The following AGBL4 variants were observed in gnomAD, a reference collection of about 807,000 sequenced individuals.
The protein encoded by AGBL4 is cytosolic carboxypeptidase 6.
Under a neutral mutation model 66.4 loss-of-function variants are expected in AGBL4, and 58 were observed. The ratio of observed to expected loss-of-function variants is 0.87; its 90% CI spans 0.71 to 1.09. The LOEUF (loss-of-function observed/expected upper bound fraction) is 1.09, where lower values mean the gene tolerates loss of function less well. Among genes scored for constraint, AGBL4 ranks in the 50% least tolerant of loss-of-function variants. The pLI is 0.00. For synonymous variants in AGBL4, 234 were observed against 222.9 expected, an observed-to-expected ratio of 1.05 and a Z score of -0.44; for missense variants, 579 against 631.0, an observed-to-expected ratio of 0.92 and a Z score of 0.88.
intron 3 of AGBL4, among the ~76,000 whole-genome samples, chr1:49,376,432 T>G (rs1270389842): frequency 6.6e-6 from 1 of 152,032 alleles, no homozygotes; most frequent in Non-Finnish European, 1.5e-5. Flanking sequence ...AGGATACTTA[T>G]TCTGTCCTAC....
At chr1:48,527,080 T>C in the AGBL4 span, among the ~76,000 whole-genome samples, 1 of 152,166 alleles carries the variant, frequency 6.6e-6, no homozygotes, top group Non-Finnish European at 1.5e-5. Flanking sequence ...TTTGGGAAGA[T>C]AAAGCCATAA....
chr1:48,566,680 T>C (rs777675764), intron 11 of AGBL4, among the ~76,000 whole-genome samples: 4 of 152,240 alleles, frequency 2.6e-5, no homozygotes, highest in Non-Finnish European at 4.4e-5. Context: ...ATAATGTGGG[T>C]GGGCCTCATT....
chr1:49,977,070 T>C (rs1658621762), intron 1 of AGBL4, among the ~76,000 whole-genome samples: 1 of 152,232 alleles, frequency 6.6e-6, no homozygotes, highest in African/African-American at 2.4e-5. Flanking sequence ...TCTTGTCTCT[T>C]TAATAGTTTT....
intron 3 of AGBL4, among the ~76,000 whole-genome samples, chr1:49,256,473 G>A (rs1652514886): frequency 6.6e-6 from 1 of 152,094 alleles, no homozygotes; most frequent in Non-Finnish European, 1.5e-5. Flanking sequence ...ATAAATAAAT[G>A]TAATCAAAAG....
intron 1 of AGBL4, among the ~76,000 whole-genome samples, chr1:49,948,574 TA>T (rs1178309073): frequency 5.8e-5 from 7 of 121,650 alleles, no homozygotes; most frequent in African/African-American, 2.0e-4. Context: ...AATATATATA[TA>T]TATATATAGA....
chr1:49,468,844 A>G (rs748498254), intron 3 of AGBL4, among the ~76,000 whole-genome samples: 23 of 151,870 alleles, frequency 1.5e-4, no homozygotes, highest in Non-Finnish European at 2.8e-4. Context: ...GTATATAAAA[A>G]TGTTGAAATT....
chr1:49,100,938 G>T (rs1257719669), intron 4 of AGBL4, among the ~76,000 whole-genome samples: 2 of 152,150 alleles, frequency 1.3e-5, no homozygotes, highest in Non-Finnish European at 2.9e-5. Context: ...CTTCAGTAAG[G>T]TGATTTAATC....
intron 3 of AGBL4, among the ~76,000 whole-genome samples, chr1:49,509,401 C>T (rs1167294): frequency 0.68 from 103,007 of 151,616 alleles, 35,822 homozygotes; most frequent in African/African-American, 0.77. Context: ...TTTTCCTCAA[C>T]TTTTAGATAC....
At chr1:48,687,049 C>T (rs1646543975) in intron 6 of AGBL4, among the ~76,000 whole-genome samples, 2 of 141,608 alleles carry the variant, frequency 1.4e-5, no homozygotes, top group Non-Finnish European at 3.1e-5. Flanking sequence ...GGGGGACCAA[C>T]ACAGAGGGGC....
intron 2 of AGBL4, among the ~76,000 whole-genome samples, chr1:49,759,579 C>T (rs1652149995): frequency 6.6e-6 from 1 of 152,122 alleles, no homozygotes; most frequent in African/African-American, 2.4e-5. Flanking sequence ...TCATTATTTA[C>T]AGCAAATGTA....
chr1:48,737,882 G>A (rs1005965078), intron 6 of AGBL4, among the ~76,000 whole-genome samples: 1 of 152,064 alleles, frequency 6.6e-6, no homozygotes, highest in Non-Finnish European at 1.5e-5. Context: ...GACAGAGGGC[G>A]GCAGCTGCTA....
intron 1 of AGBL4, among the ~76,000 whole-genome samples, chr1:49,860,800 A>G (rs948171698): frequency 3.3e-5 from 5 of 152,092 alleles, no homozygotes; most frequent in African/African-American, 4.8e-5. Context: ...AAAACAAGTT[A>G]ACAACTATCT....
At chr1:49,602,695 G>C (rs1459110571) in intron 3 of AGBL4, among the ~76,000 whole-genome samples, 1 of 151,974 alleles carries the variant, frequency 6.6e-6, no homozygotes, top group African/African-American at 2.4e-5. Flanking sequence ...CCTGTTCGTG[G>C]GGTTGGGGGG....
chr1:49,513,129 C>G (rs539082815), intron 3 of AGBL4, among the ~76,000 whole-genome samples: 2 of 152,176 alleles, frequency 1.3e-5, no homozygotes, highest in African/African-American at 4.8e-5. Flanking sequence ...AAATGAACCT[C>G]TATCTTTAAA....
chr1:49,772,187 G>T (rs1006168586), intron 2 of AGBL4, among the ~76,000 whole-genome samples: 5 of 152,076 alleles, frequency 3.3e-5, no homozygotes, highest in African/African-American at 4.8e-5. Context: ...AACATAAAGA[G>T]TCTTGCAGTT....
chr1:49,104,190 G>T, intron 4 of AGBL4, among the ~76,000 whole-genome samples: 1 of 152,068 alleles, frequency 6.6e-6, no homozygotes, highest in East Asian at 1.9e-4. Flanking sequence ...CCTCCTCTGG[G>T]AGGCATTTCT....
chr1:49,195,282 G>A (rs774727115), intron 4 of AGBL4, among the ~76,000 whole-genome samples: 3 of 152,126 alleles, frequency 2.0e-5, no homozygotes, highest in African/African-American at 4.8e-5. Flanking sequence ...TTTTATGAAT[G>A]TGAATATTGA....
chr1:50,004,749 C>G (rs894524640), intron 1 of AGBL4, among the ~76,000 whole-genome samples: 2 of 152,046 alleles, frequency 1.3e-5, no homozygotes, highest in African/African-American at 4.8e-5. Flanking sequence ...GCCCTTGGAC[C>G]CTGAATAATC....
intron 4 of AGBL4, among the ~76,000 whole-genome samples, chr1:49,201,392 T>G (rs1000267332): frequency 2.6e-5 from 4 of 152,186 alleles, no homozygotes; most frequent in Non-Finnish European, 5.9e-5. Flanking sequence ...AGTGAGTTGC[T>G]CAAGGTGGCG....
Sources: gnomAD v4.1 joint callset for allele counts (sites outside exome capture counted in the v4.1 genomes callset) on GRCh38, gnomAD v4.1.1 for gene constraint, MANE v1.5 for transcripts, NCBI Gene and HGNC (gene_info 2026-07-23, HGNC 2026-07-21) for gene names.